REDIC1: variants seen among roughly 807,000 people sequenced by gnomAD.
REDIC1 encodes the protein regulator of DNA class I crossover intermediates 1, also known as HEI10 Interacting Protein 1.
At chr12:39,679,296 G>A in the REDIC1 span, among the ~76,000 whole-genome samples, 2 of 152,148 alleles carry the variant, frequency 1.3e-5, no homozygotes, top group Non-Finnish European at 2.9e-5. Context: ...TCTGATAAAT[G>A]GACTCAGTAA....
chr12:39,746,538 C>T, the REDIC1 span, among the ~76,000 whole-genome samples: 797 of 152,324 alleles, frequency 5.2e-3, 4 homozygotes, highest in Non-Finnish European at 9.8e-3. Context: ...GAAACCTCTG[C>T]AGACTTAAAT....
the REDIC1 span, among the ~76,000 whole-genome samples, chr12:39,711,284 A>G: frequency 2.0e-5 from 3 of 149,000 alleles, no homozygotes; most frequent in Admixed American, 6.8e-5. Flanking sequence ...TATCACATAT[A>G]TAGTGTATAT....
chr12:39,653,427 T>A, the REDIC1 span, among the ~76,000 whole-genome samples: 17 of 152,024 alleles, frequency 1.1e-4, 1 homozygote, highest in South Asian at 2.7e-3. Context: ...GGGGTTTTTT[T>A]AAATCATGTT....
At chr12:39,760,152 T>A in the REDIC1 span, 1 of 1,612,806 alleles carries the variant, frequency 6.2e-7, no homozygotes, top group East Asian at 2.2e-5. Flanking sequence ...TGTCAAAGAG[T>A]GATTCAATTT....
the REDIC1 span, among the ~76,000 whole-genome samples, chr12:39,742,171 G>A: frequency 1.3e-5 from 2 of 152,058 alleles, no homozygotes; most frequent in African/African-American, 4.8e-5. Context: ...CGGTCAGTGG[G>A]GGGATTAGGA....
the REDIC1 span, among the ~76,000 whole-genome samples, chr12:39,724,968 A>G: frequency 6.6e-6 from 1 of 152,070 alleles, no homozygotes; most frequent in East Asian, 1.9e-4. Context: ...ATAGCTGAGA[A>G]TTTTTCTAGA....
chr12:39,682,327 A>G, the REDIC1 span, among the ~76,000 whole-genome samples: 1 of 152,104 alleles, frequency 6.6e-6, no homozygotes, highest in African/African-American at 2.4e-5. Flanking sequence ...TATAGAAAAT[A>G]TACTATAGGT....
the REDIC1 span, among the ~76,000 whole-genome samples, chr12:39,792,734 T>C: frequency 1.3e-5 from 2 of 152,108 alleles, no homozygotes; most frequent in African/African-American, 4.8e-5. Flanking sequence ...CTGCAAGTAC[T>C]GTATTTTTTT....
At chr12:39,879,587 C>A in the REDIC1 span, among the ~76,000 whole-genome samples, 2 of 152,120 alleles carry the variant, frequency 1.3e-5, no homozygotes, top group African/African-American at 2.4e-5. Context: ...GGGCCTGTAC[C>A]CCCTTTCTTC....
the REDIC1 span, among the ~76,000 whole-genome samples, chr12:39,722,767 GA>G: frequency 6.6e-6 from 1 of 152,132 alleles, no homozygotes; most frequent in Non-Finnish European, 1.5e-5. Flanking sequence ...AGTGACAGCA[GA>G]GTAAAGTGTA....
At chr12:39,695,059 C>A in the REDIC1 span, among the ~76,000 whole-genome samples, 1 of 152,094 alleles carries the variant, frequency 6.6e-6, no homozygotes, top group African/African-American at 2.4e-5. Flanking sequence ...TCATCACCTG[C>A]TAACTGAGGA....
the REDIC1 span, among the ~76,000 whole-genome samples, chr12:39,669,653 GGAGTCTACAGAGGCA>G: frequency 6.6e-6 from 1 of 152,244 alleles, no homozygotes; most frequent in Non-Finnish European, 1.5e-5. Flanking sequence ...CCCCAGAGGT[GGAGTCTACAGAGGCA>G]GGCAGGCCTC....
chr12:39,738,560 C>T, the REDIC1 span, among the ~76,000 whole-genome samples: 1 of 152,140 alleles, frequency 6.6e-6, no homozygotes, highest in Non-Finnish European at 1.5e-5. Flanking sequence ...CTTTGACACT[C>T]CTTCCACAGA....
chr12:39,685,632 C>T, the REDIC1 span, among the ~76,000 whole-genome samples: 3 of 152,102 alleles, frequency 2.0e-5, no homozygotes, highest in East Asian at 1.9e-4. Flanking sequence ...CATATCTTTC[C>T]ACCCCCAGCC....
At chr12:39,626,373 C>T in the REDIC1 span, 17 of 1,614,078 alleles carry the variant, frequency 1.1e-5, no homozygotes, top group South Asian at 1.5e-4. Context: ...AGTTGTGCAG[C>T]TGGAGTTTGA....
the REDIC1 span, among the ~76,000 whole-genome samples, chr12:39,770,178 C>A: frequency 6.6e-6 from 1 of 152,062 alleles, no homozygotes; most frequent in Non-Finnish European, 1.5e-5. Flanking sequence ...CTCTCATAAT[C>A]ATCTCATCTA....
chr12:39,713,232 G>A, the REDIC1 span, among the ~76,000 whole-genome samples: 4 of 128,934 alleles, frequency 3.1e-5, no homozygotes, highest in South Asian at 2.3e-4. Context: ...ACACATATAC[G>A]TGTATATATG....
chr12:39,702,012 A>G, the REDIC1 span, among the ~76,000 whole-genome samples: 2 of 152,284 alleles, frequency 1.3e-5, no homozygotes, highest in Admixed American at 1.3e-4. Context: ...TGACACCCTA[A>G]CATCACAATT....
the REDIC1 span, among the ~76,000 whole-genome samples, chr12:39,831,203 A>G: frequency 6.6e-6 from 1 of 152,172 alleles, no homozygotes; most frequent in Non-Finnish European, 1.5e-5. Flanking sequence ...ACGACAATGT[A>G]ATGGAAACTG....
Sources: allele counts gnomAD v4.1 joint callset (sites outside exome capture counted in the v4.1 genomes callset), GRCh38; gene constraint gnomAD v4.1.1; transcripts MANE v1.5; gene names NCBI Gene and HGNC (gene_info 2026-07-23, HGNC 2026-07-21).